RNGTT: variants seen among roughly 807,000 people sequenced by gnomAD.
RNGTT encodes the protein RNA guanylyltransferase and 5'-phosphatase.
Under a neutral mutation model 79.3 loss-of-function variants are expected in RNGTT, and 33 were observed. That is an observed-to-expected ratio of 0.42 (90% confidence interval 0.32 to 0.56). The LOEUF is 0.56. Ranked by LOEUF, RNGTT falls within the 20% of genes least tolerant of loss-of-function variation. The probability of loss-of-function intolerance (pLI) is 0.17; values close to 1 mark genes in which losing one functional copy is unlikely to be tolerated. For missense variants in RNGTT, 497 were observed against 739.1 expected, an observed-to-expected ratio of 0.67 and a Z score of 3.80; for synonymous variants, 222 against 235.9, an observed-to-expected ratio of 0.94 and a Z score of 0.54.
chr6:88,923,088 CT>C (rs1784212974), intron 4 of RNGTT, among the ~76,000 whole-genome samples: 1 of 152,146 alleles, frequency 6.6e-6, no homozygotes, highest in Admixed American at 6.5e-5. Context: ...ATAGATGGTA[CT>C]GTGTATTTTC....
intron 2 of RNGTT, among the ~76,000 whole-genome samples, chr6:88,931,589 A>G (rs949254265): frequency 1.3e-5 from 2 of 152,204 alleles, no homozygotes; most frequent in Admixed American, 1.3e-4. Context: ...CACCTTGGGC[A>G]GTTAAATTCT....
intron 11 of RNGTT, among the ~76,000 whole-genome samples, chr6:88,811,317 G>C (rs1205722061): frequency 6.6e-6 from 1 of 152,114 alleles, no homozygotes; most frequent in Non-Finnish European, 1.5e-5. Context: ...CTTTTCATAA[G>C]GTTTTTCCTA....
intron 14 of RNGTT, among the ~76,000 whole-genome samples, chr6:88,639,083 C>A (rs966513900): frequency 3.9e-5 from 6 of 152,018 alleles, no homozygotes; most frequent in Non-Finnish European, 8.8e-5. Flanking sequence ...TTTACTACAG[C>A]AAATATTAGA....
intron 8 of RNGTT, among the ~76,000 whole-genome samples, chr6:88,854,939 A>C (rs1781795712): frequency 6.6e-6 from 1 of 152,248 alleles, no homozygotes; most frequent in South Asian, 2.1e-4. Context: ...AATGAAGATC[A>C]AATCCAAGAA....
chr6:88,621,808 G>C (rs1187876857), intron 14 of RNGTT, among the ~76,000 whole-genome samples: 1 of 152,010 alleles, frequency 6.6e-6, no homozygotes, highest in Non-Finnish European at 1.5e-5. Flanking sequence ...TACCTGACCT[G>C]AGAAATCAGA....
At chr6:88,906,563 T>C in intron 4 of RNGTT, 123 bp from the exon 5 acceptor site, 1 of 596,458 alleles carries the variant, frequency 1.7e-6, no homozygotes, top group South Asian at 2.8e-5. Flanking sequence ...ATTTTTTAAT[T>C]TTTTAACTTG....
At chr6:88,843,662 G>A (rs561667945) in intron 11 of RNGTT, among the ~76,000 whole-genome samples, 1 of 142,986 alleles carries the variant, frequency 7.0e-6, no homozygotes, top group African/African-American at 2.6e-5. Context: ...GAGTTCAAGC[G>A]ATTCTCCTGC....
chr6:88,733,269 T>C (rs1777172731), intron 13 of RNGTT, among the ~76,000 whole-genome samples: 1 of 151,626 alleles, frequency 6.6e-6, no homozygotes, highest in Admixed American at 6.6e-5. Flanking sequence ...AAGGCTGAGG[T>C]GGAAGGATTG....
At chr6:88,770,178 T>A (rs1778602724) in intron 12 of RNGTT, among the ~76,000 whole-genome samples, 1 of 152,202 alleles carries the variant, frequency 6.6e-6, no homozygotes, top group Admixed American at 6.5e-5. Context: ...TTTTTCTTGT[T>A]CAGCTTTATG....
intron 1 of RNGTT, among the ~76,000 whole-genome samples, chr6:88,949,159 G>GAAAAAAAAAAAAAAAAAA: frequency 9.9e-5 from 5 of 50,514 alleles, no homozygotes; most frequent in East Asian, 3.9e-4. Flanking sequence ...AAAATAAAAT[G>GAAAAAAAAAAAAAAAAAA]AAAAAAAAAA....
chr6:88,804,759 T>C (rs1242070864), intron 11 of RNGTT, among the ~76,000 whole-genome samples: 2 of 152,210 alleles, frequency 1.3e-5, no homozygotes, highest in East Asian at 1.9e-4. Flanking sequence ...CCATCTTCCA[T>C]ATATCAGTAT....
At chr6:88,709,372 C>T (rs578095154) in intron 13 of RNGTT, among the ~76,000 whole-genome samples, 24 of 151,578 alleles carry the variant, frequency 1.6e-4, no homozygotes, top group Admixed American at 2.6e-4. Context: ...CAAACTGGAC[C>T]GAGGCTGAGA....
intron 12 of RNGTT, among the ~76,000 whole-genome samples, chr6:88,785,164 A>ATT (rs1779187478): frequency 6.6e-6 from 1 of 152,134 alleles, no homozygotes; most frequent in South Asian, 2.1e-4. Context: ...AATATGTATC[A>ATT]TTTATATGAG....
At chr6:88,842,420 C>G (rs1781324128) in intron 11 of RNGTT, among the ~76,000 whole-genome samples, 1 of 151,158 alleles carries the variant, frequency 6.6e-6, no homozygotes, top group Non-Finnish European at 1.5e-5. Flanking sequence ...ACAGTAGTAC[C>G]AGTAATAACA....
At chr6:88,816,872 A>C (rs1428510069) in intron 11 of RNGTT, among the ~76,000 whole-genome samples, 3 of 152,166 alleles carry the variant, frequency 2.0e-5, no homozygotes, top group Non-Finnish European at 4.4e-5. Flanking sequence ...ATCACAGTCT[A>C]AGGAGGAAAT....
At chr6:88,616,264 G>A (rs930838235) in intron 14 of RNGTT, among the ~76,000 whole-genome samples, 3 of 152,136 alleles carry the variant, frequency 2.0e-5, no homozygotes, top group African/African-American at 7.2e-5. Context: ...CAATGGACAC[G>A]TGGGCTGCTT....
chr6:88,861,897 T>C lies in RNGTT; in HGVS notation c.897-8133A>G, dbSNP rs553626429. On this transcript the variant is annotated intron_variant, in intron 8 of 15. Coordinates refer to ENST00000369485, the MANE Select transcript of RNGTT (RefSeq NM_003800.5). ...ACCAGTGTTGAAACAGTACATTTTG[T>C]CATTTTTCATAGTATATATACATAA... Among the ~76,000 whole-genome samples the C allele has an allele frequency of 6.6e-5, 10 of 152,280 alleles. No individual in the cohort carries two copies. The South Asian group carries it at 1.5e-3, about 22-fold the overall frequency.
At chr6:88,954,485 C>T (rs1318434641) in intron 1 of RNGTT, among the ~76,000 whole-genome samples, 1 of 152,014 alleles carries the variant, frequency 6.6e-6, no homozygotes, top group African/African-American at 2.4e-5. Context: ...ATTTGTAAAG[C>T]AATTACTACT....
At chr6:88,730,855 A>G (rs1680043069) in intron 13 of RNGTT, among the ~76,000 whole-genome samples, 1 of 152,234 alleles carries the variant, frequency 6.6e-6, no homozygotes, top group Admixed American at 6.5e-5. Flanking sequence ...ACAATGGCTT[A>G]TCTGATCTGA....
Sources: allele counts gnomAD v4.1 joint callset (sites outside exome capture counted in the v4.1 genomes callset), GRCh38; gene constraint gnomAD v4.1.1; transcripts MANE v1.5; gene names NCBI Gene and HGNC (gene_info 2026-07-23, HGNC 2026-07-21).